APOBEC3B: variants seen among roughly 807,000 people sequenced by gnomAD.
APOBEC3B encodes the protein apolipoprotein B mRNA editing enzyme catalytic subunit 3B.
A neutral mutation model predicts 53.4 loss-of-function variants in APOBEC3B; 29 were observed. The ratio of observed to expected loss-of-function variants is 0.54; its 90% CI spans 0.40 to 0.74. APOBEC3B has a LOEUF of 0.74. APOBEC3B is among the 30% of genes least tolerant of loss of function. The pLI is 0.00. For missense variants in APOBEC3B, 347 were observed against 496.2 expected, an observed-to-expected ratio of 0.70 and a Z score of 2.86; for synonymous variants, 132 against 184.8, an observed-to-expected ratio of 0.71 and a Z score of 2.32.
At chr22:38,985,669 A>G in intron 2 of APOBEC3B, 143 bp from the exon 3 acceptor site, 1 of 741,012 alleles carries the variant, frequency 1.3e-6, no homozygotes, top group Non-Finnish European at 2.1e-6. Flanking sequence ...AATCACTCAA[A>G]CTAAACAGGG....
At chr22:38,988,614 G>C (rs533593183) in intron 4 of APOBEC3B, among the ~76,000 whole-genome samples, 3 of 107,100 alleles carry the variant, frequency 2.8e-5, no homozygotes, top group South Asian at 8.1e-4. Context: ...GTGGCAAACA[G>C]AGATTCCTTC....
rs1923566879 is a variant in APOBEC3B at position 38,982,348 on chromosome 22, C to T, written c.-106C>T. 1 of 1,506,844 alleles carries T rather than the reference C, an allele frequency of 6.6e-7. No individual in the cohort carries two copies. Among genetic ancestry groups the T allele is most frequent in the Non-Finnish European group, 9.1e-7 (1 of 1,101,132 alleles). 93.3% of individuals were successfully genotyped at this position (1,506,844 alleles called of 1,614,324 possible). A position where few individuals can be genotyped will look rare whatever the true frequency, so the allele number is the denominator to read the frequency against. On this transcript the variant is annotated 5_prime_UTR_variant, in exon 1 of 8. Coordinates refer to ENST00000333467, the MANE Select transcript of APOBEC3B (RefSeq NM_004900.5). ...TGACTCATAAGGCCCTGGGAGGTCA[C>T]TTTAAGGAGGGCTGTCCAACTGCAA...
chr22:38,989,909 C>T lies in APOBEC3B; in HGVS notation c.723+299C>T, dbSNP rs1394825101. ...AACTGTGGGATTTGAGGACTCAGGG[C>T]CTACCTGACTCACAAGGCCAGGATG... On this transcript the variant is annotated intron_variant, in intron 5 of 7. Coordinates refer to ENST00000333467, the MANE Select transcript of APOBEC3B (RefSeq NM_004900.5). Among the ~76,000 whole-genome samples the T allele has an allele frequency of 1.3e-5, 2 of 148,730 alleles. 1 individual carries two copies. The highest frequency in any genetic ancestry group is 3.0e-5 in the Non-Finnish European group (2 of 67,326).
At position 38,986,067 on chromosome 22, in the gene APOBEC3B, C is replaced by G; in HGVS notation, c.430C>G (p.Arg144Gly). Residue 144 changes from arginine to glycine, a missense_variant, in exon 3 of 8, where the codon CGC becomes GGC. Arg to Gly is a moderately radical substitution (Grantham distance 125). Transcript: ENST00000333467. Reference protein sequence around the residue: ...ALCRLSQAGARVTIMDYEEFA... With the variant: ...ALCRLSQAGAGVTIMDYEEFA... ...CTGCAGGCTGAGTCAGGCAGGAGCC[C>G]GCGTGACGATCATGGACTATGAAGG... The G allele has an allele frequency of 1.3e-6, 2 of 1,592,346 alleles. No homozygotes were observed. The highest frequency in any genetic ancestry group is 1.7e-6 in the Non-Finnish European group (2 of 1,172,496).
chr22:38,989,610 G>C lies in APOBEC3B; in HGVS notation c.723G>C (p.Glu241Asp). The change falls in exon 5 of 8, where the codon GAG becomes GAC. Residue 241 changes from glutamate (E) to aspartate (D), a missense_variant and splice_region_variant. Glu to Asp is a conservative substitution (Grantham distance 45, BLOSUM62 2). Coordinates refer to ENST00000333467, the MANE Select transcript of APOBEC3B (RefSeq NM_004900.5). ...AGCACATGGGCTTTCTATGCAACGA[G>C]GTGACCGACCCAGCCACCTGCATCC... is the stretch of plus-strand genomic sequence containing the variant. Reference protein sequence around the residue: ...MDQHMGFLCNEAKNLLCGFYG... With the variant: ...MDQHMGFLCNDAKNLLCGFYG... The C allele has an allele frequency of 1.9e-6, 3 of 1,565,720 alleles. 1 individual carries two copies. The highest frequency in any genetic ancestry group is 2.6e-6 in the Non-Finnish European group (3 of 1,153,850).
intron 5 of APOBEC3B, 67 bp downstream of exon 5, chr22:38,989,677 G>A: frequency 2.9e-6 from 4 of 1,398,300 alleles, no homozygotes; most frequent in Non-Finnish European, 3.8e-6. Flanking sequence ...TAGATAGAAG[G>A]TTCTGGGTGG....
intron 5 of APOBEC3B, among the ~76,000 whole-genome samples, chr22:38,990,258 T>C (rs945232396): frequency 3.4e-5 from 5 of 147,802 alleles, no homozygotes; most frequent in Admixed American, 7.0e-5. Flanking sequence ...GAGCTCAATG[T>C]GGGCCTCGCT....
At chr22:38,983,419 G>A (rs570260889) in intron 1 of APOBEC3B, among the ~76,000 whole-genome samples, 1 of 148,940 alleles carries the variant, frequency 6.7e-6, no homozygotes, top group Admixed American at 6.9e-5. Context: ...TTAGTGAAAA[G>A]AGAGCCCAGT....
Position 38,989,458 on chromosome 22 carries a change from T to C in APOBEC3B, c.571T>C (p.Tyr191His), listed in dbSNP as rs61730556. The C allele has an allele frequency of 4.4e-4, 684 of 1,565,694 alleles. 47 individuals are homozygous for C. The African/African-American group carries it at 7.4e-3, about 17-fold the overall frequency. Residue 191 changes from tyrosine (Y) to histidine (H), a missense_variant and splice_region_variant, in exon 5 of 8, where the codon TAC becomes CAC. Transcript: ENST00000333467. ...GGTTTCCCCTGTCTTTGTCCACAGA[T>C]ACCTGATGGATCCAGACACATTCAC... ...LHRTLKEILR[Y>H]LMDPDTFTFN...
chr22:38,986,492 C>G, intron 4 of APOBEC3B, 80 bp downstream of exon 4: 1 of 1,483,058 alleles, frequency 6.7e-7, no homozygotes, highest in Non-Finnish European at 9.1e-7. Context: ...CCTGGCCCTC[C>G]CGCCCTCCCT....
At chr22:38,988,669 CTCTT>C (rs879859081) in intron 4 of APOBEC3B, among the ~76,000 whole-genome samples, 1,465 of 11,580 alleles carry the variant, frequency 0.13, 183 homozygotes, top group African/African-American at 0.4. Flanking sequence ...TGCTTCCTCT[CTCTT>C]TCTCTCTTTC....
chr22:38,986,910 A>C (rs1923764550), intron 4 of APOBEC3B, among the ~76,000 whole-genome samples: 2 of 143,034 alleles, frequency 1.4e-5, no homozygotes, highest in East Asian at 2.6e-4. Context: ...ACTCTCCCTC[A>C]CTACCACATA....
chr22:38,987,762 C>A (rs1272548629), intron 4 of APOBEC3B, among the ~76,000 whole-genome samples: 1 of 148,320 alleles, frequency 6.7e-6, no homozygotes, highest in Non-Finnish European at 1.5e-5. Context: ...AGAATGACAC[C>A]TGCAACATGG....
Position 38,986,100 on chromosome 22 carries a change from T to A in APOBEC3B, c.454+9T>A, listed in dbSNP as rs1301630534. 3.1e-6 allele frequency: 5 copies of A among 1,590,624 alleles called. No individual in the cohort carries two copies. The highest frequency in any genetic ancestry group is 4.3e-6 in the Non-Finnish European group (5 of 1,171,424). On this transcript the variant is annotated intron_variant, in intron 3 of 7. Coordinates refer to ENST00000333467, the MANE Select transcript of APOBEC3B (RefSeq NM_004900.5). ...GATCATGGACTATGAAGGTGAGAGG[T>A]GGAGGGGTCAGGGGAGCGTGAGCGG...
At position 38,989,567 on chromosome 22, in the gene APOBEC3B, C is replaced by A. The variant is rs1395979820; in HGVS notation, c.680C>A (p.Thr227Asn). Residue 227 changes from threonine (T) to asparagine (N), a missense_variant, in exon 5 of 8, where the codon ACC becomes AAC. Physicochemically the swap from Thr to Asn is moderately conservative, Grantham distance 65. Around this residue, in one of 5 missense-constraint regions of APOBEC3B, gnomAD observed 156 missense variants for 166.7 expected, o/e 0.94. Coordinates refer to ENST00000333467, the MANE Select transcript of APOBEC3B (RefSeq NM_004900.5). ...GAGGTGGAGCGCCTGGACAATGGCA[C>A]CTGGGTCCTGATGGACCAGCACATG... ...CYEVERLDNG[T>N]WVLMDQHMGF... is the part of the protein sequence containing the mutation. 1 of 1,587,788 alleles carries A rather than the reference C, an allele frequency of 6.3e-7. No individual in the cohort carries two copies. The highest frequency in any genetic ancestry group is 1.1e-5 in the South Asian group (1 of 88,396).
chr22:38,985,454 A>G (rs561495732), intron 2 of APOBEC3B, among the ~76,000 whole-genome samples: 12 of 148,172 alleles, frequency 8.1e-5, no homozygotes, highest in Admixed American at 4.9e-4. Flanking sequence ...CCACGGGGAC[A>G]AGAGGAAGCA....
Position 38,983,930 on chromosome 22 carries a change from C to T in APOBEC3B, c.18-145C>T, listed in dbSNP as rs1214171030. 4.6e-5 allele frequency: 47 copies of T among 1,023,360 alleles called. 1 individual carries two copies. In the South Asian group the frequency reaches 6.6e-4, roughly 14 times the overall value. 63.4% of individuals were successfully genotyped at this position (1,023,360 alleles called of 1,614,324 possible). ...TCTTCCTCTCCCCTCAGTCTTCCTG[C>T]CTGGGAAGGCAGCAGAAATTCTCAG... On this transcript the variant is annotated intron_variant, in intron 1 of 7. Coordinates refer to ENST00000333467, the MANE Select transcript of APOBEC3B (RefSeq NM_004900.5).
chr22:38,990,569 T>C lies in APOBEC3B; in HGVS notation c.724-763T>C, dbSNP rs1174833785. On this transcript the variant is annotated intron_variant, in intron 5 of 7. Transcript: ENST00000333467. Reference sequence around the variant, plus strand: ...AGTCAAAATAATGACAATTATACCATGTCACAGGGACCTTCCCACATTGGA... The same window carrying C: ...AGTCAAAATAATGACAATTATACCACGTCACAGGGACCTTCCCACATTGGA... Among the ~76,000 whole-genome samples, 2 of 148,036 alleles carry C rather than the reference T, an allele frequency of 1.4e-5. 1 individual carries two copies. Among genetic ancestry groups the C allele is most frequent in the Non-Finnish European group, 3.0e-5 (2 of 67,372 alleles).
In APOBEC3B at chr22:38,983,806, G is replaced by C. The variant is rs537370122; in HGVS notation, c.18-269G>C. ...TCCTAATGGGTTGGGGAGTGGGTTG[G>C]CAGAAATACTAGGAGGGTGGGGAAT... On this transcript the variant is annotated intron_variant, in intron 1 of 7. Transcript: ENST00000333467. Among the ~76,000 whole-genome samples, 14 of 148,936 alleles carry C rather than the reference G, an allele frequency of 9.4e-5. 2 individuals are homozygous for C. Among genetic ancestry groups the C allele is most frequent in the Non-Finnish European group, 1.8e-4 (12 of 67,326 alleles).
Sources: allele counts gnomAD v4.1 joint callset (sites outside exome capture counted in the v4.1 genomes callset), GRCh38; gene constraint gnomAD v4.1.1; regional missense constraint gnomAD v4.1.1; transcripts MANE v1.5; gene names NCBI Gene and HGNC (gene_info 2026-07-23, HGNC 2026-07-21).